Variants in TRAPPC11 observed in about 807,000 individuals in gnomAD.
TRAPPC11 encodes the protein foie gras homolog.
TRAPPC11 carries 104 observed loss-of-function variants against 151.2 expected under a neutral mutation model. The observed-to-expected ratio is 0.69, with a 90% CI of 0.59 to 0.81. The LOEUF is 0.81. TRAPPC11 is among the 30% of genes least tolerant of loss of function. The pLI is 0.00. For missense variants in TRAPPC11, 1,230 were observed against 1,349.6 expected (o/e 0.91, Z 1.39); for synonymous variants, 456 against 472.3 (o/e 0.97, Z 0.45).
chr4:183,686,336 C>T (rs1735965177), intron 17 of TRAPPC11, among the ~76,000 whole-genome samples: 1 of 152,166 alleles, frequency 6.6e-6, no homozygotes, highest in African/African-American at 2.4e-5. Context: ...AAGGTTTCAC[C>T]GTGTTGGCCA....
intron 7 of TRAPPC11, among the ~76,000 whole-genome samples, chr4:183,676,746 G>A (rs1281658799): frequency 6.6e-6 from 1 of 152,142 alleles, no homozygotes; most frequent in African/African-American, 2.4e-5. Flanking sequence ...GAGGTACTTG[G>A]GGTTAAAAAG....
At chr4:183,663,733 GTTGTT>G in intron 1 of TRAPPC11, 109 bp from the exon 2 acceptor site, 4 of 567,634 alleles carry the variant, frequency 7.0e-6, no homozygotes, top group Admixed American at 3.4e-5. Context: ...ATGAATATGA[GTTGTT>G]TTTTTTTTTT....
chr4:183,663,860 T>C lies in TRAPPC11; in HGVS notation c.-8T>C, dbSNP rs574951106. 103 of 1,580,372 alleles carry C rather than the reference T, an allele frequency of 6.5e-5. No homozygotes were observed. The East Asian group carries it at 2.2e-3, about 33-fold the overall frequency. Reference sequence around the variant, plus strand: ...TTTGTATTTCAGGTTTTTTGTGACATCGTAAACATGAGCCCCACACAGTGG... The same window carrying C: ...TTTGTATTTCAGGTTTTTTGTGACACCGTAAACATGAGCCCCACACAGTGG... On this transcript the variant is annotated 5_prime_UTR_variant, in exon 2 of 30. Coordinates refer to ENST00000334690, the MANE Select transcript of TRAPPC11 (RefSeq NM_021942.6).
At chr4:183,660,252 G>T (rs1487060650) in intron 1 of TRAPPC11, among the ~76,000 whole-genome samples, 1 of 152,168 alleles carries the variant, frequency 6.6e-6, no homozygotes, top group African/African-American at 2.4e-5. Flanking sequence ...GCAATTTTGG[G>T]ACACATTTCC....
At chr4:183,683,576 C>A (rs375061685) in intron 11 of TRAPPC11, among the ~76,000 whole-genome samples, 1 of 152,060 alleles carries the variant, frequency 6.6e-6, no homozygotes, top group East Asian at 1.9e-4. Flanking sequence ...ATGGGATGAT[C>A]GCTTGAGCCT....
intron 20 of TRAPPC11, 150 bp downstream of exon 20, chr4:183,693,297 T>A: frequency 1.3e-6 from 1 of 785,228 alleles, no homozygotes; most frequent in Non-Finnish European, 1.9e-6. Flanking sequence ...GCTCAAACCA[T>A]CCTCCCACCT....
At chr4:183,684,478 C>T (rs1735862622) in intron 14 of TRAPPC11, 119 bp downstream of exon 14, 1 of 1,076,678 alleles carries the variant, frequency 9.3e-7, no homozygotes, top group Non-Finnish European at 1.3e-6. Context: ...TTGTTAAACT[C>T]CATTTCTGTA....
At position 183,685,158 on chromosome 4, in the gene TRAPPC11, T is replaced by A; in HGVS notation, c.1629+13T>A. The A allele has an allele frequency of 6.2e-7, 1 of 1,613,512 alleles. No homozygotes were observed. The highest frequency in any genetic ancestry group is 2.2e-5 in the East Asian group (1 of 44,854). ...AAATGTTTTAATGGTAGGTTGGAAT[T>A]GTTTATATAGAGTGTGTTATTAGGA... On this transcript the variant is annotated intron_variant, in intron 16 of 29. Transcript: ENST00000334690.
At chr4:183,667,238 G>T in intron 4 of TRAPPC11, 108 bp downstream of exon 4, 1 of 782,670 alleles carries the variant, frequency 1.3e-6, no homozygotes, top group Non-Finnish European at 2.1e-6. Flanking sequence ...CAGTTATGGG[G>T]CTGATAGTAT....
At chr4:183,690,872 G>T (rs1236622722) in intron 18 of TRAPPC11, among the ~76,000 whole-genome samples, 1 of 152,154 alleles carries the variant, frequency 6.6e-6, no homozygotes, top group African/African-American at 2.4e-5. Context: ...GGAGGCTGAG[G>T]TGGGACTATC....
intron 29 of TRAPPC11, among the ~76,000 whole-genome samples, chr4:183,709,353 T>C (rs1335023598): frequency 2.0e-5 from 3 of 152,218 alleles, no homozygotes; most frequent in African/African-American, 7.2e-5. Flanking sequence ...CAGGATTTGG[T>C]AAGTTATCTG....
chr4:183,677,991 T>C (rs1262030217), intron 8 of TRAPPC11, among the ~76,000 whole-genome samples: 5 of 149,458 alleles, frequency 3.3e-5, no homozygotes, highest in Admixed American at 2.7e-4. Flanking sequence ...CAGGCTGGAG[T>C]GCAGTGGTGG....
rs777524576 is a variant in TRAPPC11, at chr4:183,689,631, CT to C, written c.1894-1669del. On this transcript the variant is annotated intron_variant, in intron 18 of 29. Coordinates refer to ENST00000334690, the MANE Select transcript of TRAPPC11 (RefSeq NM_021942.6). The stretch of plus-strand genomic sequence containing the variant: ...AAATTAGAGGGTCAACACAAGGACT[CT>C]TTTTTTTTTTTTTTTAAAGAGATAC... Among the ~76,000 whole-genome samples the C allele has an allele frequency of 5.2e-3, 580 of 111,754 alleles. 2 individuals are homozygous for C. The highest frequency in any genetic ancestry group is 0.014 in the East Asian group (56 of 4,106). 73.3% of individuals were successfully genotyped at this position (111,754 alleles called of 152,430 possible).
chr4:183,700,007 G>A (rs966958491), intron 25 of TRAPPC11, among the ~76,000 whole-genome samples: 1 of 151,928 alleles, frequency 6.6e-6, no homozygotes, highest in Non-Finnish European at 1.5e-5. Context: ...TGTATTTTTA[G>A]TAGAGACAGG....
chr4:183,691,387 A>G lies in TRAPPC11; in HGVS notation c.1965A>G (p.Gly655=). 2.6e-6 allele frequency: 4 copies of G among 1,565,548 alleles called. No individual in the cohort carries two copies. Among genetic ancestry groups the G allele is most frequent in the Non-Finnish European group, 3.5e-6 (4 of 1,149,206 alleles). The stretch of plus-strand genomic sequence containing the variant: ...AAGTTTTAGAAAATCTGACTCAAGG[A>G]AAGATGTGCCTAGTTCCTGGCAAAA... ...ANEVLENLTQ[G]KMCLVPGKTR... The change falls in exon 19 of 30, where the codon GGA becomes GGG. Residue 655 remains glycine, a synonymous_variant. Coordinates refer to ENST00000334690, the MANE Select transcript of TRAPPC11 (RefSeq NM_021942.6).
Position 183,685,027 on chromosome 4 carries a change from G to A in TRAPPC11, c.1568-57G>A, listed in dbSNP as rs927245653. The A allele has an allele frequency of 6.6e-6, 10 of 1,521,196 alleles. No homozygotes were observed. The African/African-American group carries it at 1.4e-4, about 21-fold the overall frequency. The allele number at this position is 1,521,196 out of a possible 1,614,324, so 94.2% of individuals were successfully genotyped here. On this transcript the variant is annotated intron_variant, in intron 15 of 29. Transcript: ENST00000334690. ...ATCAAGTTTCTAAAACAATAAATGG[G>A]GGTAGTAGACTTAATTATAAGTACT...
Position 183,691,401 on chromosome 4 carries a change from T to G in TRAPPC11, c.1979T>G (p.Val660Gly). 6.4e-7 allele frequency: 1 copy of G among 1,557,048 alleles called. No individual in the cohort carries two copies. Among genetic ancestry groups the G allele is most frequent in the Non-Finnish European group, 8.7e-7 (1 of 1,144,496 alleles). The part of the protein sequence containing the change: ...ENLTQGKMCL[V>G]PGKTRKLLFK... ...CTGACTCAAGGAAAGATGTGCCTAGTTCCTGGCAAAACAAGAAAACTGTTA... is the reference window on the plus strand; with the variant it reads ...CTGACTCAAGGAAAGATGTGCCTAGGTCCTGGCAAAACAAGAAAACTGTTA... The change falls in exon 19 of 30, where the codon GTT becomes GGT. Residue 660 changes from valine to glycine, a missense_variant. Physicochemically the swap from Val to Gly is moderately radical, Grantham distance 109. Transcript: ENST00000334690.
intron 15 of TRAPPC11, 35 bp downstream of exon 15, chr4:183,684,876 C>T (rs1193887252): frequency 3.2e-6 from 5 of 1,579,716 alleles, no homozygotes; most frequent in Middle Eastern, 1.7e-4. Flanking sequence ...ATTCTTGATA[C>T]ATAAAATTAT....
At chr4:183,661,991 C>T (rs1024631863) in intron 1 of TRAPPC11, among the ~76,000 whole-genome samples, 1 of 151,950 alleles carries the variant, frequency 6.6e-6, no homozygotes, top group Non-Finnish European at 1.5e-5. Context: ...TCTTGAACTC[C>T]TGGCCTCAAC....
Sources: allele counts gnomAD v4.1 joint callset (sites outside exome capture counted in the v4.1 genomes callset), GRCh38; gene constraint gnomAD v4.1.1; transcripts MANE v1.5; gene names NCBI Gene and HGNC (gene_info 2026-07-23, HGNC 2026-07-21).